Variants in PITPNC1 observed in about 807,000 individuals in gnomAD.
The protein encoded by PITPNC1 is cytoplasmic phosphatidylinositol transfer protein 1.
Under a neutral mutation model 44.7 loss-of-function variants are expected in PITPNC1, and 18 were observed. The observed-to-expected ratio is 0.40, with a 90% CI of 0.28 to 0.60. The LOEUF is 0.60. PITPNC1 is among the 20% of genes least tolerant of loss of function. The probability of loss-of-function intolerance (pLI) is 0.39; values close to 1 mark genes in which losing one functional copy is unlikely to be tolerated. For missense variants in PITPNC1, 290 were observed against 418.4 expected, an observed-to-expected ratio of 0.69 and a Z score of 2.68; for synonymous variants, 141 against 149.6, an observed-to-expected ratio of 0.94 and a Z score of 0.42.
At chr17:67,642,909 G>A (rs1231406554) in intron 6 of PITPNC1, among the ~76,000 whole-genome samples, 1 of 152,028 alleles carries the variant, frequency 6.6e-6, no homozygotes, top group Non-Finnish European at 1.5e-5. Flanking sequence ...CATGAATGAT[G>A]TTCCCCAGAA....
At chr17:67,386,870 A>G (rs910839757) in intron 1 of PITPNC1, among the ~76,000 whole-genome samples, 30 of 152,158 alleles carry the variant, frequency 2.0e-4, no homozygotes, top group African/African-American at 6.0e-4. Context: ...GGTTTTATGT[A>G]TCTTTAACAA....
intron 7 of PITPNC1, among the ~76,000 whole-genome samples, chr17:67,672,784 A>G (rs2042537053): frequency 6.6e-6 from 1 of 152,170 alleles, no homozygotes; most frequent in Non-Finnish European, 1.5e-5. Context: ...GACACTCCAG[A>G]AACGCACCTG....
At chr17:67,614,624 A>G (rs2041733430) in intron 5 of PITPNC1, among the ~76,000 whole-genome samples, 1 of 150,952 alleles carries the variant, frequency 6.6e-6, no homozygotes, top group Admixed American at 6.6e-5. Context: ...GTGAGCTGAG[A>G]TTGCCCCACT....
chr17:67,646,507 G>A (rs2042151498), intron 6 of PITPNC1, among the ~76,000 whole-genome samples: 2 of 152,176 alleles, frequency 1.3e-5, no homozygotes, highest in Non-Finnish European at 2.9e-5. Context: ...GGTTTTAGAA[G>A]GTATGGAACT....
intron 4 of PITPNC1, among the ~76,000 whole-genome samples, chr17:67,557,025 G>A (rs1169574215): frequency 6.6e-6 from 1 of 152,178 alleles, no homozygotes; most frequent in Admixed American, 6.5e-5. Context: ...CCCCTGCAGA[G>A]GCCTGTTCTG....
chr17:67,613,987 G>A (rs1051785983), intron 5 of PITPNC1, among the ~76,000 whole-genome samples: 3 of 145,648 alleles, frequency 2.1e-5, no homozygotes, highest in Non-Finnish European at 4.5e-5. Context: ...TCAGGAGACC[G>A]AGGTGGGAGG....
intron 1 of PITPNC1, among the ~76,000 whole-genome samples, chr17:67,415,001 T>C (rs531286843): frequency 9.8e-5 from 15 of 152,306 alleles, no homozygotes; most frequent in Non-Finnish European, 2.1e-4. Context: ...CATCTCAGCC[T>C]CCTGAGTAGC....
At position 67,578,597 on chromosome 17, in the gene PITPNC1, A is replaced by T. The variant is rs149960174; in HGVS notation, c.366+340A>T. 3.1e-3 allele frequency among the ~76,000 whole-genome samples: 466 copies of T among 152,324 alleles called. 3 individuals are homozygous for T. The highest frequency in any genetic ancestry group is 5.2e-3 in the Non-Finnish European group (357 of 68,034). ...ATTGGACAGAGTACACATCTTCTCA[A>T]TGCCTATTAATATCTACTTCGGAAA... On this transcript the variant is annotated intron_variant, in intron 5 of 8. Coordinates refer to ENST00000581322, the MANE Select transcript of PITPNC1 (RefSeq NM_012417.4).
chr17:67,595,305 GATAGA>G (rs1342380337), intron 5 of PITPNC1, among the ~76,000 whole-genome samples: 11 of 152,126 alleles, frequency 7.2e-5, no homozygotes, highest in African/African-American at 2.7e-4. Context: ...CAAATGACTT[GATAGA>G]ACTCTGAAAA....
intron 1 of PITPNC1, among the ~76,000 whole-genome samples, chr17:67,450,972 T>C (rs991593324): frequency 2.0e-5 from 3 of 152,206 alleles, no homozygotes; most frequent in African/African-American, 7.2e-5. Flanking sequence ...TTCTTCTGTA[T>C]CTGGCGTCTT....
intron 1 of PITPNC1, among the ~76,000 whole-genome samples, chr17:67,391,330 TC>T (rs1337925305): frequency 5.9e-5 from 9 of 151,548 alleles, no homozygotes; most frequent in African/African-American, 2.2e-4. Flanking sequence ...CAAAGACTGT[TC>T]CCCCGCCCCA....
chr17:67,565,873 C>T (rs112762932), intron 4 of PITPNC1, among the ~76,000 whole-genome samples: 8 of 150,528 alleles, frequency 5.3e-5, no homozygotes, highest in Admixed American at 1.3e-4. Context: ...CATGTTTTTT[C>T]GGTGTGTATA....
rs1457949665 is a variant in PITPNC1, at chr17:67,676,440, G to A, written c.682+898G>A. On this transcript the variant is annotated intron_variant, in intron 8 of 8. Transcript: ENST00000581322. The surrounding 1 kb of genome is among the most constrained non-coding windows in gnomAD (Gnocchi z 4.0). ...ATGGACCATCCTTCCCAGGTCCTCA[G>A]CAGTCTTGTTTTGTCCACATGAATT... is the stretch of plus-strand genomic sequence containing the variant. Among the ~76,000 whole-genome samples the A allele has an allele frequency of 1.3e-5, 2 of 152,100 alleles. No individual in the cohort carries two copies. The highest frequency in any genetic ancestry group is 4.8e-5 in the African/African-American group (2 of 41,408).
chr17:67,599,034 A>ATTT lies in PITPNC1; in HGVS notation c.366+20795_366+20797dup, dbSNP rs1160152426. Among the ~76,000 whole-genome samples the ATTT allele has an allele frequency of 6.4e-4, 23 of 35,674 alleles. 2 individuals carry two copies. The highest frequency in any genetic ancestry group is 3.9e-3 in the South Asian group (3 of 764). 23.4% of individuals were successfully genotyped at this position (35,674 alleles called of 152,430 possible). ...TATATATATATATATATATATATAT[A>ATTT]TTTTTTTTTTTTTTTTTTTTACCAT... On this transcript the variant is annotated intron_variant, in intron 5 of 8. Transcript: ENST00000581322.
At chr17:67,395,153 A>C (rs2038198035) in intron 1 of PITPNC1, among the ~76,000 whole-genome samples, 1 of 151,842 alleles carries the variant, frequency 6.6e-6, no homozygotes, top group Non-Finnish European at 1.5e-5. Context: ...TCACCTGCTT[A>C]TCTGGACAGG....
At chr17:67,396,235 T>A (rs968964733) in intron 1 of PITPNC1, among the ~76,000 whole-genome samples, 2 of 152,250 alleles carry the variant, frequency 1.3e-5, no homozygotes, top group African/African-American at 2.4e-5. Flanking sequence ...AAAAACACTT[T>A]GGAAAGGTTA....
At chr17:67,505,773 C>T (rs2040093551) in intron 1 of PITPNC1, among the ~76,000 whole-genome samples, 1 of 152,162 alleles carries the variant, frequency 6.6e-6, no homozygotes, top group Non-Finnish European at 1.5e-5. Flanking sequence ...CCGCGCCCAG[C>T]CCAAGTTGTT....
chr17:67,535,138 C>T (rs1376763637), intron 2 of PITPNC1, among the ~76,000 whole-genome samples: 4 of 152,192 alleles, frequency 2.6e-5, no homozygotes, highest in African/African-American at 9.7e-5. Context: ...TGAGATTGAT[C>T]CCATTCATCT....
chr17:67,402,753 C>T (rs1399113780), intron 1 of PITPNC1, among the ~76,000 whole-genome samples: 1 of 152,094 alleles, frequency 6.6e-6, no homozygotes, highest in African/African-American at 2.4e-5. Flanking sequence ...TGCAATCTTC[C>T]CCTCCCTGGA....
Sources: allele counts gnomAD v4.1 joint callset (sites outside exome capture counted in the v4.1 genomes callset), GRCh38; gene constraint gnomAD v4.1.1; non-coding constraint Gnocchi (gnomAD v3.1); transcripts MANE v1.5; gene names NCBI Gene and HGNC (gene_info 2026-07-23, HGNC 2026-07-21).